The following HSPA12B variants were observed in gnomAD, a reference collection of about 807,000 sequenced individuals.
HSPA12B encodes the protein heat shock 70 kDa protein 12B.
HSPA12B carries 54 observed loss-of-function variants against 69.3 expected under a neutral mutation model. That is an observed-to-expected ratio of 0.78 (90% CI 0.63 to 0.98). HSPA12B has a LOEUF of 0.98. Ranked by LOEUF, HSPA12B falls within the 50% of genes least tolerant of loss-of-function variation. The pLI is 0.00. For synonymous variants in HSPA12B, 441 were observed against 436.5 expected (o/e 1.01, Z -0.13); for missense variants, 929 against 999.8 (o/e 0.93, Z 0.96).
At chr20:3,733,160 G>C (rs1439138640) in intron 1 of HSPA12B, among the ~76,000 whole-genome samples, 4 of 152,170 alleles carry the variant, frequency 2.6e-5, no homozygotes, top group African/African-American at 4.8e-5. Context: ...TGGGAGTTGA[G>C]TGTATGTGTG....
chr20:3,745,966 G>A lies in HSPA12B; in HGVS notation c.610G>A (p.Val204Met). The part of the protein sequence containing the change: ...SLPEKDTVRW[V>M]LTVPAIWKQP... ...GCCAGAGAAGGACACTGTGCGCTGG[G>A]TGTTGACGGTGCCTGCCATCTGGAA... The change falls in exon 7 of 13, where the codon GTG (valine) becomes ATG (methionine). Residue 204 changes from valine to methionine, a missense_variant. Val to Met is a conservative substitution (Grantham distance 21, BLOSUM62 1). This residue lies in a region of HSPA12B where 477 missense variants were observed against 535.2 expected (regional missense o/e 0.89). Transcript: ENST00000254963. This position sits in a 1 kb window ranked among gnomAD's most constrained non-coding sequence, Gnocchi z 5.6. 1.1e-5 allele frequency: 17 copies of A among 1,614,054 alleles called. No individual in the cohort carries two copies. The highest frequency in any genetic ancestry group is 1.4e-5 in the Non-Finnish European group (16 of 1,179,982).
chr20:3,738,039 C>T (rs1314027471), intron 1 of HSPA12B, among the ~76,000 whole-genome samples: 1 of 152,062 alleles, frequency 6.6e-6, no homozygotes, highest in East Asian at 1.9e-4. Context: ...ATGCCCCCAC[C>T]CCACCCTGCC....
Position 3,741,747 on chromosome 20 carries a change from CCTTATT to C in HSPA12B, c.142-532_142-527del, listed in dbSNP as rs138878050. On this transcript the variant is annotated intron_variant, in intron 3 of 12. Coordinates refer to ENST00000254963, the MANE Select transcript of HSPA12B (RefSeq NM_052970.5). Reference sequence around the variant, plus strand: ...CCCTGGTGATCCAGCTTAGGGACCCCCTTATTCTTAGGGGAGTCCAGCCCTGGCATA... The same window carrying C: ...CCCTGGTGATCCAGCTTAGGGACCCCCTTAGGGGAGTCCAGCCCTGGCATA... Among the ~76,000 whole-genome samples, 27 of 152,290 alleles carry C rather than the reference CCTTATT, an allele frequency of 1.8e-4. No individual in the cohort carries two copies. In the East Asian group the frequency reaches 5.0e-3, roughly 28 times the overall value.
chr20:3,743,054 T>G (rs1340216453), intron 4 of HSPA12B, among the ~76,000 whole-genome samples: 17 of 151,810 alleles, frequency 1.1e-4, no homozygotes, highest in African/African-American at 4.1e-4. Context: ...TTTTTTTTTT[T>G]TTTGTATTTT....
intron 4 of HSPA12B, among the ~76,000 whole-genome samples, chr20:3,743,176 A>AC (rs11378300): frequency 0.96 from 140,267 of 146,360 alleles, 67,265 homozygotes; most frequent in South Asian, 0.99. Context: ...GTGAGCCACC[A>AC]ACCTGGCCTT....
Position 3,744,944 on chromosome 20 carries a change from C to A in HSPA12B, c.309C>A (p.Thr103=). The A allele has an allele frequency of 1.9e-6, 3 of 1,613,720 alleles. No homozygotes were observed. Among genetic ancestry groups the A allele is most frequent in the Non-Finnish European group, 2.5e-6 (3 of 1,180,016 alleles). Residue 103 remains threonine, a synonymous_variant, in exon 5 of 13, where the codon ACC becomes ACA. Transcript: ENST00000254963. This position sits in a 1 kb window ranked among gnomAD's most constrained non-coding sequence, Gnocchi z 4.9. ...GGDPGVAHQK[T]PTCLLLTPEG... is the part of the protein sequence containing the mutation. Reference sequence around the variant, plus strand: ...ACCCGGGCGTGGCCCACCAGAAGACCCCGACCTGCCTGCTGCTGACTCCGG... The same window carrying A: ...ACCCGGGCGTGGCCCACCAGAAGACACCGACCTGCCTGCTGCTGACTCCGG...
rs1251437782 is a variant in HSPA12B at position 3,745,089 on chromosome 20, G to A, written c.453+1G>A. On this transcript the variant is annotated splice_donor_variant, in intron 5 of 12. Coordinates refer to ENST00000254963, the MANE Select transcript of HSPA12B (RefSeq NM_052970.5). LOFTEE classifies it high-confidence loss of function. The surrounding 1 kb of genome is among the most constrained non-coding windows in gnomAD (Gnocchi z 5.6). ...CAAGATGAAGATCCACAGCGCCACGGTGAGTCACAGGGCTCCAGACAGGGA... is the reference window on the plus strand; with the variant it reads ...CAAGATGAAGATCCACAGCGCCACGATGAGTCACAGGGCTCCAGACAGGGA... 1.9e-6 allele frequency: 3 copies of A among 1,612,044 alleles called. No individual in the cohort carries two copies.
Position 3,752,251 on chromosome 20 carries a change from G to GT in HSPA12B, c.*85_*86insT, listed in dbSNP as rs2088441875. The GT allele has an allele frequency of 3.9e-6, 5 of 1,281,510 alleles. No homozygotes were observed. Among genetic ancestry groups the GT allele is most frequent in the Non-Finnish European group, 5.1e-6 (5 of 977,698 alleles). 79.4% of individuals were successfully genotyped at this position (1,281,510 alleles called of 1,614,324 possible). The stretch of plus-strand genomic sequence containing the variant: ...GCCTGCGGAGCGGGTTGGGGCGGGG[G>GT]AAACGATAGTTCTGCAGTCTGCGCC... On this transcript the variant is annotated 3_prime_UTR_variant, in exon 13 of 13. Coordinates refer to ENST00000254963, the MANE Select transcript of HSPA12B (RefSeq NM_052970.5).
chr20:3,742,458 T>A (rs750316330), intron 4 of HSPA12B, 50 bp downstream of exon 4: 1 of 1,452,216 alleles, frequency 6.9e-7, no homozygotes. Flanking sequence ...GGGGAGTTCC[T>A]CATACCTTGG....
Position 3,750,006 on chromosome 20 carries a change from C to G in HSPA12B, c.1080C>G (p.Phe360Leu), listed in dbSNP as rs1335677590. ...GCGCGGTGGGCGTGGACCTGGCCTT[C>G]GAGCAGCTGCTGTGCCGCATCTTCG... ...PYGAVGVDLA[F>L]EQLLCRIFGE... is the part of the protein sequence containing the mutation. The change falls in exon 11 of 13, where the codon TTC (phenylalanine) becomes TTG (leucine). Residue 360 changes from phenylalanine (F) to leucine (L), a missense_variant. This residue lies in a region of HSPA12B where 477 missense variants were observed against 535.2 expected (regional missense o/e 0.89). Transcript: ENST00000254963. 6 of 1,585,764 alleles carry G rather than the reference C, an allele frequency of 3.8e-6. No homozygotes were observed. Among genetic ancestry groups the G allele is most frequent in the East Asian group, 2.3e-5 (1 of 43,074 alleles).
rs771173094 is a variant in HSPA12B, at chr20:3,750,267, C to G, written c.1301+40C>G. On this transcript the variant is annotated intron_variant, in intron 11 of 12. Coordinates refer to ENST00000254963, the MANE Select transcript of HSPA12B (RefSeq NM_052970.5). The stretch of plus-strand genomic sequence containing the variant: ...CGCGGGCTCAGGCAGGGTTTGCCGA[C>G]CCGGGAATGACCGTGCACTGGAGGG... 6 of 1,543,630 alleles carry G rather than the reference C, an allele frequency of 3.9e-6. No homozygotes were observed. The African/African-American group carries it at 8.2e-5, about 21-fold the overall frequency.
intron 3 of HSPA12B, among the ~76,000 whole-genome samples, chr20:3,741,554 A>G (rs1469031065): frequency 6.6e-6 from 1 of 152,088 alleles, no homozygotes; most frequent in African/African-American, 2.4e-5. Context: ...AATTGCTTGA[A>G]CCTGGGAAGC....
intron 7 of HSPA12B, among the ~76,000 whole-genome samples, chr20:3,746,748 G>A (rs1029661621): frequency 1.3e-5 from 2 of 152,186 alleles, no homozygotes; most frequent in African/African-American, 4.8e-5. Context: ...TAGATCCCAT[G>A]GGGAGCTGCA....
chr20:3,744,561 C>T lies in HSPA12B; in HGVS notation c.267-341C>T, dbSNP rs967062144. ...CAAGTTCAGCCCCGACCTTCTCTCA[C>T]CTGGATGGCTGCAATATCCTCCTCC... On this transcript the variant is annotated intron_variant, in intron 4 of 12. Coordinates refer to ENST00000254963, the MANE Select transcript of HSPA12B (RefSeq NM_052970.5). This position sits in a 1 kb window ranked among gnomAD's most constrained non-coding sequence, Gnocchi z 4.9. Among the ~76,000 whole-genome samples the T allele has an allele frequency of 1.3e-5, 2 of 152,240 alleles. No individual in the cohort carries two copies. Among genetic ancestry groups the T allele is most frequent in the Non-Finnish European group, 2.9e-5 (2 of 68,042 alleles).
At position 3,742,401 on chromosome 20, in the gene HSPA12B, A is replaced by C; in HGVS notation, c.259A>C (p.Met87Leu). Residue 87 changes from methionine (M) to leucine (L), a missense_variant, in exon 4 of 13, where the codon ATG becomes CTG. Physicochemically the swap from Met to Leu is conservative, Grantham distance 15 (BLOSUM62 2). Transcript: ENST00000254963. The part of the protein sequence containing the change: ...SFASDPEAIH[M>L]MRKWEGGDPG... The stretch of plus-strand genomic sequence containing the variant: ...TGCCAGTGACCCTGAGGCCATCCAC[A>C]TGATGAGGTGAGGTCGGCTGGGCTG... 6.2e-7 allele frequency: 1 copy of C among 1,611,066 alleles called. No homozygotes were observed. The highest frequency in any genetic ancestry group is 8.5e-7 in the Non-Finnish European group (1 of 1,177,546).
chr20:3,750,063 A>T lies in HSPA12B; in HGVS notation c.1137A>T (p.Gln379His). The T allele has an allele frequency of 6.2e-7, 1 of 1,611,086 alleles. No homozygotes were observed. Among genetic ancestry groups the T allele is most frequent in the East Asian group, 2.2e-5 (1 of 44,812 alleles). ...ACTTCATCGCCACCTTCAAAAGGCA[A>T]CGGCCGGCAGCCTGGGTAGATCTGA... ...GEDFIATFKR[Q>H]RPAAWVDLTI... Residue 379 changes from glutamine (Q) to histidine (H), a missense_variant, in exon 11 of 13, where the codon CAA becomes CAT. Physicochemically the swap from Gln to His is conservative, Grantham distance 24 (BLOSUM62 0). Coordinates refer to ENST00000254963, the MANE Select transcript of HSPA12B (RefSeq NM_052970.5).
chr20:3,743,116 C>G (rs144713200), intron 4 of HSPA12B, among the ~76,000 whole-genome samples: 112 of 149,332 alleles, frequency 7.5e-4, no homozygotes, highest in African/African-American at 2.6e-3. Context: ...AAATTCCTGA[C>G]TTCGGGTGAT....
intron 3 of HSPA12B, among the ~76,000 whole-genome samples, chr20:3,741,992 G>C (rs141898828): frequency 6.6e-6 from 1 of 152,278 alleles, no homozygotes; most frequent in African/African-American, 2.4e-5. Context: ...AGGTGGGGGT[G>C]GGGCTAAGGC....
rs1767007063 is a variant in HSPA12B at position 3,749,060 on chromosome 20, G to A, written c.851-172G>A. ...TTTCCCCACAGCTGTTGGATACAGG[G>A]TGGGAGTTTGGGGTTCAGGATTGCC... On this transcript the variant is annotated intron_variant, in intron 8 of 12. Transcript: ENST00000254963. The surrounding 1 kb of genome is among the most constrained non-coding windows in gnomAD (Gnocchi z 5.5). Among the ~76,000 whole-genome samples, 2 of 152,200 alleles carry A rather than the reference G, an allele frequency of 1.3e-5. No individual in the cohort carries two copies. Among genetic ancestry groups the A allele is most frequent in the Admixed American group, 1.3e-4 (2 of 15,282 alleles).
Sources: gnomAD v4.1 joint callset for allele counts (sites outside exome capture counted in the v4.1 genomes callset) on GRCh38, gnomAD v4.1.1 for gene constraint, gnomAD v4.1.1 regional missense constraint, Gnocchi (gnomAD v3.1) non-coding constraint, MANE v1.5 for transcripts, NCBI Gene and HGNC (gene_info 2026-07-23, HGNC 2026-07-21) for gene names.